The following RPTOR variants were observed in gnomAD, a reference collection of about 807,000 sequenced individuals.
The protein encoded by RPTOR is regulatory-associated protein of mTOR.
A neutral mutation model predicts 169.9 loss-of-function variants in RPTOR; 21 were observed. That is an observed-to-expected ratio of 0.12 (90% CI 0.09 to 0.18). RPTOR has a LOEUF of 0.18. Among genes scored for constraint, RPTOR ranks in the 10% least tolerant of loss-of-function variants. RPTOR has a pLI of 1.00. For missense variants in RPTOR, 1,133 were observed against 1,855.9 expected, an observed-to-expected ratio of 0.61 and a Z score of 7.16; for synonymous variants, 732 against 753.2, an observed-to-expected ratio of 0.97 and a Z score of 0.46.
intron 6 of RPTOR, chr17:80,774,437 GT>G: frequency 2.4e-6 from 2 of 817,818 alleles, no homozygotes; most frequent in Non-Finnish European, 3.0e-6. Flanking sequence ...AGCAGACGTA[GT>G]GCATAAAACA....
At chr17:80,940,010 G>A (rs1194660343) in intron 24 of RPTOR, among the ~76,000 whole-genome samples, 2 of 152,192 alleles carry the variant, frequency 1.3e-5, no homozygotes, top group Non-Finnish European at 2.9e-5. Context: ...CCAGCGATGT[G>A]TTTTGTAGCA....
intron 3 of RPTOR, among the ~76,000 whole-genome samples, chr17:80,687,732 C>T (rs530258936): frequency 1.7e-4 from 26 of 152,284 alleles, no homozygotes; most frequent in Non-Finnish European, 2.6e-4. Flanking sequence ...TGATGATCTC[C>T]GAGGCTGCCT....
chr17:80,962,852 CG>C, intron 32 of RPTOR, 75 bp from the exon 33 acceptor site: 1 of 1,593,662 alleles, frequency 6.3e-7, no homozygotes, highest in Non-Finnish European at 8.6e-7. Context: ...CCTGTCCCCG[CG>C]GTCTCGGCAT....
rs2084254936 is a variant in RPTOR at position 80,544,939 on chromosome 17, G to C, written c.-691G>C. Reference sequence around the variant, plus strand: ...TCCCATGACCCAATAAGCCCACATTGTCCCTTTCCTCCGTGGTTCCGTGTC... The same window carrying C: ...TCCCATGACCCAATAAGCCCACATTCTCCCTTTCCTCCGTGGTTCCGTGTC... On this transcript the variant is annotated 5_prime_UTR_variant, in exon 1 of 34. Coordinates refer to ENST00000306801, the MANE Select transcript of RPTOR (RefSeq NM_020761.3). The C allele has an allele frequency of 5.6e-5, 13 of 230,408 alleles. No individual in the cohort carries two copies. In the East Asian group the frequency reaches 8.0e-4, roughly 14 times the overall value. The allele number at this position is 230,408 out of a possible 1,614,324, so 14.3% of individuals were successfully genotyped here.
At chr17:80,551,215 G>A (rs1039979092) in intron 1 of RPTOR, among the ~76,000 whole-genome samples, 8 of 152,166 alleles carry the variant, frequency 5.3e-5, no homozygotes, top group African/African-American at 1.7e-4. Context: ...GTGTGAAGGG[G>A]TGGGTTGCCC....
Position 80,545,800 on chromosome 17 carries a change from A to T in RPTOR, c.162+9A>T. ...GGAGGATGAAGGATCGGGTAAGTGG[A>T]TTCTGAAGGCACCCCTTGAACTTGG... On this transcript the variant is annotated intron_variant, in intron 1 of 33. Transcript: ENST00000306801. The T allele has an allele frequency of 1.9e-6, 3 of 1,591,922 alleles. No individual in the cohort carries two copies. Among genetic ancestry groups the T allele is most frequent in the Non-Finnish European group, 1.7e-6 (2 of 1,168,622 alleles).
chr17:80,791,458 T>C lies in RPTOR; in HGVS notation c.839T>C (p.Met280Thr), dbSNP rs2067047395. Residue 280 changes from methionine to threonine, a missense_variant, in exon 7 of 34, where the codon ATG (methionine) becomes ACG (threonine). Around this residue, in one of 9 missense-constraint regions of RPTOR, gnomAD observed 289 missense variants for 585.8 expected, o/e 0.49. Transcript: ENST00000306801. ...PIKIALRWFC[M>T]QKCVSLVPGV... ...CTTTTCTTTCTCTGCAGGTTTTGCATGCAGAAATGTGTCAGTCTGGTGCCT... is the reference window on the plus strand; with the variant it reads ...CTTTTCTTTCTCTGCAGGTTTTGCACGCAGAAATGTGTCAGTCTGGTGCCT... 1 of 1,613,386 alleles carries C rather than the reference T, an allele frequency of 6.2e-7. No individual in the cohort carries two copies. Among genetic ancestry groups the C allele is most frequent in the Non-Finnish European group, 8.5e-7 (1 of 1,179,836 alleles).
intron 2 of RPTOR, among the ~76,000 whole-genome samples, chr17:80,629,822 A>G (rs1170696472): frequency 6.7e-6 from 1 of 149,630 alleles, no homozygotes. Flanking sequence ...TCAGCTCTCT[A>G]TGTTTTGTGC....
At chr17:80,563,317 G>A (rs140673644) in intron 1 of RPTOR, among the ~76,000 whole-genome samples, 17 of 151,648 alleles carry the variant, frequency 1.1e-4, no homozygotes, top group African/African-American at 3.6e-4. Context: ...GGTGGATCAC[G>A]AGGTCAGGAG....
At chr17:80,584,339 C>A (rs1417312580) in intron 1 of RPTOR, among the ~76,000 whole-genome samples, 1 of 151,146 alleles carries the variant, frequency 6.6e-6, no homozygotes, top group African/African-American at 2.5e-5. Flanking sequence ...AAGGTCAGAA[C>A]TCAGGGGAGC....
At chr17:80,833,551 G>A (rs962629387) in intron 9 of RPTOR, among the ~76,000 whole-genome samples, 2 of 152,212 alleles carry the variant, frequency 1.3e-5, no homozygotes, top group African/African-American at 2.4e-5. Context: ...TCGTGTGTAC[G>A]TAGGACCCAC....
In RPTOR at chr17:80,860,179, G is replaced by A. The variant is rs915065684; in HGVS notation, c.1509+2279G>A. Among the ~76,000 whole-genome samples, 3 of 152,190 alleles carry A rather than the reference G, an allele frequency of 2.0e-5. No homozygotes were observed. Among genetic ancestry groups the A allele is most frequent in the Non-Finnish European group, 4.4e-5 (3 of 68,026 alleles). Reference sequence around the variant, plus strand: ...TGTCAGCTCCTCCGTCCAGTCACTGGCACTGAGACCCAGCCTCATCCTTAG... The same window carrying A: ...TGTCAGCTCCTCCGTCCAGTCACTGACACTGAGACCCAGCCTCATCCTTAG... On this transcript the variant is annotated intron_variant, in intron 13 of 33. Coordinates refer to ENST00000306801, the MANE Select transcript of RPTOR (RefSeq NM_020761.3). This position sits in a 1 kb window ranked among gnomAD's most constrained non-coding sequence, Gnocchi z 5.8.
rs984650752 is a variant in RPTOR, at chr17:80,651,526, A to T, written c.348+7716A>T. 3.5e-4 allele frequency among the ~76,000 whole-genome samples: 47 copies of T among 133,454 alleles called. 1 individual carries two copies. Among genetic ancestry groups the T allele is most frequent in the African/African-American group, 1.5e-3 (47 of 30,704 alleles). 87.6% of individuals were successfully genotyped at this position (133,454 alleles called of 152,430 possible). On this transcript the variant is annotated intron_variant, in intron 3 of 33. Transcript: ENST00000306801. This position sits in a 1 kb window ranked among gnomAD's most constrained non-coding sequence, Gnocchi z 4.1. ...CGCGATTTACTTGTTGGTATGACAC[A>T]TAATGGAGATTTTTTTAAAATGGAC...
intron 10 of RPTOR, among the ~76,000 whole-genome samples, chr17:80,841,283 G>C (rs1425442846): frequency 2.5e-5 from 2 of 79,432 alleles, no homozygotes; most frequent in East Asian, 4.8e-4. Context: ...CTCACCGCAC[G>C]GCAGCTCACT....
chr17:80,862,428 C>T (rs186375525), intron 13 of RPTOR, among the ~76,000 whole-genome samples: 5 of 152,208 alleles, frequency 3.3e-5, no homozygotes, highest in Admixed American at 2.6e-4. Context: ...CCCCTCCCCA[C>T]GTCTGGCCAT....
chr17:80,658,212 G>A (rs1241241733), intron 3 of RPTOR, among the ~76,000 whole-genome samples: 1 of 152,132 alleles, frequency 6.6e-6, no homozygotes, highest in East Asian at 1.9e-4. Context: ...ACTTATTAAT[G>A]TTCTTTATTC....
intron 2 of RPTOR, among the ~76,000 whole-genome samples, chr17:80,636,081 C>T (rs565931148): frequency 6.6e-6 from 1 of 152,150 alleles, no homozygotes; most frequent in Non-Finnish European, 1.5e-5. Flanking sequence ...AATCAAGACT[C>T]CAGCTTTATT....
At chr17:80,644,418 T>G (rs2065577939) in intron 3 of RPTOR, among the ~76,000 whole-genome samples, 1 of 151,648 alleles carries the variant, frequency 6.6e-6, no homozygotes, top group African/African-American at 2.4e-5. Context: ...CTTAAGTTAC[T>G]TGTAATCCAC....
At chr17:80,759,121 G>A (rs570479219) in intron 6 of RPTOR, among the ~76,000 whole-genome samples, 14 of 152,114 alleles carry the variant, frequency 9.2e-5, no homozygotes, top group African/African-American at 2.4e-4. Flanking sequence ...TTGGAAGGCC[G>A]AGGCAGGAGG....
Sources: allele counts gnomAD v4.1 joint callset (sites outside exome capture counted in the v4.1 genomes callset), GRCh38; gene constraint gnomAD v4.1.1; regional missense constraint gnomAD v4.1.1; non-coding constraint Gnocchi (gnomAD v3.1); transcripts MANE v1.5; gene names NCBI Gene and HGNC (gene_info 2026-07-23, HGNC 2026-07-21).